The following CCP110 variants were observed in gnomAD, a reference collection of about 807,000 sequenced individuals.
The protein encoded by CCP110 is centriolar coiled-coil protein 110, also known as centriolar coiled-coil protein of 110 kDa.
CCP110 carries 43 observed loss-of-function variants against 105.5 expected under a neutral mutation model. That is an observed-to-expected ratio of 0.41 (90% CI 0.32 to 0.53). The LOEUF (loss-of-function observed/expected upper bound fraction) is 0.53. Among genes scored for constraint, CCP110 ranks in the 20% least tolerant of loss-of-function variants. The pLI is 0.32. For synonymous variants in CCP110, 353 were observed against 392.1 expected (o/e 0.90, Z 1.18); for missense variants, 1,016 against 1,189.1 (o/e 0.85, Z 2.14).
At chr16:19,553,112 T>G (rs1040590016) in exon 15 of CCP110, 1 of 152,200 alleles carries the variant, frequency 6.6e-6, no homozygotes, top group Non-Finnish European at 1.5e-5. Context: ...TTAAAACAAA[T>G]AGTTTTGGAG....
chr16:19,526,235 A>G (rs1969667676), intron 1 of CCP110: 1 of 152,254 alleles, frequency 6.6e-6, no homozygotes. Context: ...AAAGTATTAT[A>G]TTTCCTTAAT....
intron 14 of CCP110, among the ~76,000 whole-genome samples, chr16:19,550,164 T>G (rs148966362): frequency 6.6e-6 from 1 of 152,096 alleles, no homozygotes; most frequent in East Asian, 1.9e-4. Context: ...TTCTTTTTTT[T>G]TTTTTGAGAC....
At chr16:19,540,697 A>G in exon 5 of CCP110, 1 of 1,612,966 alleles carries the variant, frequency 6.2e-7, no homozygotes, top group Non-Finnish European at 8.5e-7. Flanking sequence ...TAGCTTTTGA[A>G]GAAATGCGGA....
At chr16:19,544,773 T>C in intron 8 of CCP110, 24 bp from the exon 9 acceptor site, 2 of 1,202,558 alleles carry the variant, frequency 1.7e-6, no homozygotes, top group Non-Finnish European at 2.4e-6. Flanking sequence ...AAAAATGTTT[T>C]TGAAGGAGCA....
chr16:19,544,875 C>G, exon 9 of CCP110: 1 of 1,594,490 alleles, frequency 6.3e-7, no homozygotes, highest in East Asian at 2.2e-5. Flanking sequence ...AGATGCTTCA[C>G]TTCAGGAAAG....
At position 19,531,914 on chromosome 16, in the gene CCP110, C is replaced by T. The variant is rs553162101; in HGVS notation, c.142-502C>T. Among the ~76,000 whole-genome samples, 9 of 149,360 alleles carry T rather than the reference C, an allele frequency of 6.0e-5. No individual in the cohort carries two copies. In the South Asian group the frequency reaches 1.3e-3, roughly 21 times the overall value. Reference sequence around the variant, plus strand: ...CCAGGAGGCGGAGGTTGCAGTGAGCCGAGATCGCACCACTGCACTCCAGCC... The same window carrying T: ...CCAGGAGGCGGAGGTTGCAGTGAGCTGAGATCGCACCACTGCACTCCAGCC... On this transcript the variant is annotated intron_variant, in intron 2 of 14. Coordinates refer to ENST00000381396, the Ensembl canonical transcript of CCP110.
chr16:19,528,387 T>G (rs112612656), intron 2 of CCP110, among the ~76,000 whole-genome samples: 353 of 152,350 alleles, frequency 2.3e-3, no homozygotes, highest in African/African-American at 8.2e-3. Context: ...AGTACAAAGT[T>G]ACATTAGCAT....
At chr16:19,536,804 C>T (rs949349247) in exon 4 of CCP110, 6 of 1,613,990 alleles carry the variant, frequency 3.7e-6, no homozygotes, top group East Asian at 2.2e-5. Flanking sequence ...GCACCGAAGA[C>T]GTTCCAGGAC....
At chr16:19,540,923 A>G (rs1440396345) in intron 5 of CCP110, 136 bp downstream of exon 5, 6 of 546,572 alleles carry the variant, frequency 1.1e-5, no homozygotes, top group Non-Finnish European at 1.9e-5. Context: ...TGATACGTGA[A>G]TGGTATTTTT....
chr16:19,528,656 AGACCG>A (rs1318065709), intron 2 of CCP110, among the ~76,000 whole-genome samples: 3 of 152,116 alleles, frequency 2.0e-5, no homozygotes, highest in African/African-American at 7.2e-5. Flanking sequence ...ATGCTTTGAG[AGACCG>A]GAAGGAAGAG....
At chr16:19,537,018 A>G (rs1405414796) in exon 4 of CCP110, 4 of 1,614,110 alleles carry the variant, frequency 2.5e-6, no homozygotes, top group Non-Finnish European at 2.5e-6. Context: ...TCTGAAGTCA[A>G]AGAAGATGTG....
At chr16:19,535,763 A>G (rs1165289994) in intron 3 of CCP110, among the ~76,000 whole-genome samples, 177 bp from the exon 4 acceptor site, 1 of 152,180 alleles carries the variant, frequency 6.6e-6, no homozygotes, top group Non-Finnish European at 1.5e-5. Context: ...TCTTTTCAAT[A>G]ATAATTTGAG....
At chr16:19,536,144 A>C in exon 4 of CCP110, 1 of 1,613,948 alleles carries the variant, frequency 6.2e-7, no homozygotes, top group Non-Finnish European at 8.5e-7. Flanking sequence ...AACTGATGGA[A>C]TAGACTTAGC....
intron 3 of CCP110, among the ~76,000 whole-genome samples, chr16:19,532,942 T>C (rs1274175909): frequency 6.6e-6 from 1 of 152,196 alleles, no homozygotes; most frequent in Non-Finnish European, 1.5e-5. Context: ...CCTCCAATTT[T>C]TTTTTGGTGA....
chr16:19,546,176 T>C, intron 11 of CCP110: 1 of 512,534 alleles, frequency 2.0e-6, no homozygotes, highest in Non-Finnish European at 3.4e-6. Flanking sequence ...ATATATTCCT[T>C]TTCTGATGTC....
Position 19,536,932 on chromosome 16 carries a change from G to C in CCP110, c.1263G>C (p.Val421=), listed in dbSNP as rs370549471. ...AAGATACTGATGAAAACACAAATGT[G>C]CCCGAAATTATGCCAAAGTTACCAA... Residue 421 remains valine (V), a synonymous_variant, in exon 4 of 15, where the codon GTG becomes GTC. Coordinates refer to ENST00000381396, the Ensembl canonical transcript of CCP110. The C allele has an allele frequency of 4.6e-5, 74 of 1,614,170 alleles. No individual in the cohort carries two copies. The African/African-American group carries it at 9.5e-4, about 21-fold the overall frequency.
chr16:19,537,221 A>G (rs779977765), exon 4 of CCP110: 3 of 1,614,166 alleles, frequency 1.9e-6, no homozygotes, highest in Non-Finnish European at 2.5e-6. Flanking sequence ...AGCAAGTCCA[A>G]ACTTTGGAAC....
At chr16:19,542,524 T>C in intron 6 of CCP110, 97 bp from the exon 7 acceptor site, 1 of 894,092 alleles carries the variant, frequency 1.1e-6, no homozygotes, top group African/African-American at 1.7e-5. Context: ...TTGGAGGCAG[T>C]TGTTATTCTT....
At chr16:19,529,402 G>C (rs1383340359) in intron 2 of CCP110, among the ~76,000 whole-genome samples, 2 of 152,176 alleles carry the variant, frequency 1.3e-5, no homozygotes, top group Non-Finnish European at 2.9e-5. Context: ...AATTTTTAAA[G>C]ACACCAGAGC....
Sources: allele counts gnomAD v4.1 joint callset (sites outside exome capture counted in the v4.1 genomes callset), GRCh38; gene constraint gnomAD v4.1.1; transcripts MANE v1.5; gene names NCBI Gene and HGNC (gene_info 2026-07-23, HGNC 2026-07-21).